MEIS1: variants seen among roughly 807,000 people sequenced by gnomAD.
MEIS1 encodes homeobox protein Meis1.
MEIS1 carries 5 observed loss-of-function variants against 50.8 expected under a neutral mutation model. The observed-to-expected ratio is 0.10, with a 90% CI of 0.05 to 0.21. The LOEUF is 0.21. MEIS1 is among the 10% of genes least tolerant of loss of function. The pLI is 1.00. For missense variants in MEIS1, 318 were observed against 517.3 expected, an observed-to-expected ratio of 0.61 and a Z score of 3.74; for synonymous variants, 176 against 179.3, an observed-to-expected ratio of 0.98 and a Z score of 0.15.
At chr2:66,484,817 G>C (rs13401085) in intron 7 of MEIS1, among the ~76,000 whole-genome samples, 46,546 of 151,762 alleles carry the variant, frequency 0.31, 10,225 homozygotes, top group African/African-American at 0.62. Context: ...GCCTTGGCCT[G>C]CCAAAGTGCT....
intron 7 of MEIS1, among the ~76,000 whole-genome samples, chr2:66,476,488 G>C (rs1558532353): frequency 6.6e-6 from 1 of 152,214 alleles, no homozygotes; most frequent in Non-Finnish European, 1.5e-5. Flanking sequence ...TGGGAATTCA[G>C]AGTGAAAGAG....
intron 6 of MEIS1, among the ~76,000 whole-genome samples, chr2:66,449,853 A>G (rs574497808): frequency 6.6e-6 from 1 of 152,268 alleles, no homozygotes; most frequent in South Asian, 2.1e-4. Context: ...ATTATTTTAT[A>G]TTCTTGACTT....
chr2:66,538,496 AT>A (rs1314839589), intron 8 of MEIS1, among the ~76,000 whole-genome samples: 4 of 152,222 alleles, frequency 2.6e-5, no homozygotes, highest in Non-Finnish European at 4.4e-5. Context: ...AGGATGAATA[AT>A]TGTTGGAATG....
At chr2:66,517,652 T>TA (rs1674002855) in intron 8 of MEIS1, among the ~76,000 whole-genome samples, 1 of 152,128 alleles carries the variant, frequency 6.6e-6, no homozygotes, top group African/African-American at 2.4e-5. Context: ...TTTGACTAGA[T>TA]AAGGACCCTG....
intron 7 of MEIS1, among the ~76,000 whole-genome samples, chr2:66,470,929 G>A (rs1202233566): frequency 6.6e-6 from 1 of 152,166 alleles, no homozygotes; most frequent in South Asian, 2.1e-4. Flanking sequence ...CCAAGTAACT[G>A]CTTTACTTAT....
At chr2:66,482,034 G>A (rs1673029092) in intron 7 of MEIS1, among the ~76,000 whole-genome samples, 2 of 151,604 alleles carry the variant, frequency 1.3e-5, no homozygotes, top group Admixed American at 6.6e-5. Flanking sequence ...GCTAATTTTT[G>A]TGTTTTTAGT....
chr2:66,456,033 C>T (rs1672379037), intron 6 of MEIS1, among the ~76,000 whole-genome samples: 1 of 152,018 alleles, frequency 6.6e-6, no homozygotes, highest in Admixed American at 6.5e-5. Flanking sequence ...AGAATTTTCA[C>T]CAAAGGCAAG....
intron 8 of MEIS1, among the ~76,000 whole-genome samples, chr2:66,514,339 A>G (rs529995603): frequency 6.6e-6 from 1 of 152,326 alleles, no homozygotes; most frequent in African/African-American, 2.4e-5. Flanking sequence ...TCTTGAAACA[A>G]ACAAACAAAC....
intron 7 of MEIS1, among the ~76,000 whole-genome samples, chr2:66,484,777 C>T (rs1322777912): frequency 6.6e-6 from 1 of 152,050 alleles, no homozygotes; most frequent in Non-Finnish European, 1.5e-5. Context: ...TTAGGCTGGT[C>T]TCGAACTCCT....
intron 9 of MEIS1, among the ~76,000 whole-genome samples, chr2:66,566,204 C>A (rs1260956966): frequency 6.6e-6 from 1 of 152,142 alleles, no homozygotes; most frequent in Non-Finnish European, 1.5e-5. Context: ...TTATTTGTTT[C>A]AATTACTTCT....
chr2:66,478,544 T>C (rs1019952953), intron 7 of MEIS1, among the ~76,000 whole-genome samples: 3 of 152,222 alleles, frequency 2.0e-5, no homozygotes, highest in African/African-American at 4.8e-5. Context: ...CCTGTTGATA[T>C]CAGTGAGCTT....
chr2:66,512,107 T>C (rs1433017512), intron 7 of MEIS1, 42 bp from the exon 8 acceptor site: 1 of 1,513,420 alleles, frequency 6.6e-7, no homozygotes, highest in Non-Finnish European at 8.9e-7. Context: ...ATAAAGCATG[T>C]CAAGGTAGCA....
At chr2:66,520,859 C>A (rs1273703695) in intron 8 of MEIS1, among the ~76,000 whole-genome samples, 4 of 152,172 alleles carry the variant, frequency 2.6e-5, no homozygotes, top group Non-Finnish European at 5.9e-5. Flanking sequence ...GAGCTTGAAC[C>A]AGGATCTCCT....
intron 7 of MEIS1, among the ~76,000 whole-genome samples, chr2:66,483,897 A>T (rs1673077320): frequency 6.6e-6 from 1 of 152,182 alleles, no homozygotes. Context: ...GCCACTAACA[A>T]AGTTTCTTCT....
chr2:66,473,393 A>AT (rs1279944783), intron 7 of MEIS1, among the ~76,000 whole-genome samples: 16 of 116,890 alleles, frequency 1.4e-4, no homozygotes, highest in African/African-American at 4.5e-4. Context: ...AAAAAAAAAA[A>AT]AAAAATATAT....
chr2:66,519,311 G>A, intron 8 of MEIS1, among the ~76,000 whole-genome samples: 1 of 152,136 alleles, frequency 6.6e-6, no homozygotes, highest in East Asian at 1.9e-4. Flanking sequence ...TTTGATTGAC[G>A]CTCCAAGGCA....
chr2:66,460,711 C>A (rs6716792), intron 6 of MEIS1, among the ~76,000 whole-genome samples: 73,421 of 151,882 alleles, frequency 0.48, 18,189 homozygotes, highest in African/African-American at 0.58. Flanking sequence ...GTCTTTCCAG[C>A]AAAAGATTTT....
chr2:66,453,443 T>C (rs749441932), intron 6 of MEIS1, among the ~76,000 whole-genome samples: 8 of 151,980 alleles, frequency 5.3e-5, no homozygotes, highest in Non-Finnish European at 1.2e-4. Flanking sequence ...TAGTTAAGTA[T>C]CTTGAAATAT....
At chr2:66,440,862 C>T (rs902363503) in intron 4 of MEIS1, 22 of 558,752 alleles carry the variant, frequency 3.9e-5, no homozygotes, top group Admixed American at 1.6e-4. Flanking sequence ...GACAGCCGGG[C>T]TGCGCAGCTC....
Sources: gnomAD v4.1 joint callset for allele counts (sites outside exome capture counted in the v4.1 genomes callset) on GRCh38, gnomAD v4.1.1 for gene constraint, MANE v1.5 for transcripts, NCBI Gene and HGNC (gene_info 2026-07-23, HGNC 2026-07-21) for gene names.